The following SYCN variants were observed in gnomAD, a reference collection of about 807,000 sequenced individuals.
SYCN encodes syncollin, also known as insulin synthesis associated 1.
SYCN carries 16 observed loss-of-function variants against 12.6 expected under a neutral mutation model. The observed-to-expected ratio is 1.27, with a 90% confidence interval of 0.86 to 1.92. SYCN has a LOEUF of 1.92. Among genes scored for constraint, SYCN ranks in the 30% most tolerant of loss-of-function variants. SYCN has a pLI of 0.00. For synonymous variants in SYCN, 97 were observed against 88.4 expected, an observed-to-expected ratio of 1.10 and a Z score of -0.55; for missense variants, 226 against 181.8, an observed-to-expected ratio of 1.24 and a Z score of -1.40.
intron 1 of SYCN, 46 bp from the exon 2 acceptor site, chr19:39,203,042 G>C (rs1424055226): frequency 1.3e-6 from 2 of 1,554,104 alleles, no homozygotes; most frequent in Non-Finnish European, 1.7e-6. Flanking sequence ...CAGAGACCCA[G>C]AGTCTGGTGA....
chr19:39,202,897 G>A lies in SYCN; in HGVS notation c.*90C>T. 2 of 1,474,632 alleles carry A rather than the reference G, an allele frequency of 1.4e-6. No homozygotes were observed. The highest frequency in any genetic ancestry group is 1.8e-6 in the Non-Finnish European group (2 of 1,086,224). The allele number at this position is 1,474,632 out of a possible 1,614,324, so 91.3% of individuals were successfully genotyped here. A position where few individuals can be genotyped will look rare whatever the true frequency, so the allele number is the denominator to read the frequency against. ...GGCAGGCAGAACGCTCCTCCTCCTG[G>A]GTCTTGGGGCCCCGGAGCAGAGCCC... is the stretch of plus-strand genomic sequence containing the variant. On this transcript the variant is annotated 3_prime_UTR_variant, in exon 2 of 2. Coordinates refer to ENST00000318438, the MANE Select transcript of SYCN (RefSeq NM_001080468.4).
At chr19:39,203,140 T>G in intron 1 of SYCN, 144 bp from the exon 2 acceptor site, 1 of 824,282 alleles carries the variant, frequency 1.2e-6, no homozygotes, top group Non-Finnish European at 1.9e-6. Flanking sequence ...CCTGGGAGTT[T>G]GGAGCTGGGG....
Position 39,203,208 on chromosome 19 carries a change from C to T in SYCN, c.396-212G>A, listed in dbSNP as rs140851376. Among the ~76,000 whole-genome samples, 1,112 of 151,266 alleles carry T rather than the reference C, an allele frequency of 7.4e-3. 10 individuals carry two copies. Among genetic ancestry groups the T allele is most frequent in the South Asian group, 0.014 (65 of 4,750 alleles). On this transcript the variant is annotated intron_variant, in intron 1 of 1. Transcript: ENST00000318438. ...TGGGGAGGGTTTGGGAGGGTGTCACCGCTGGATCTAGGTCCCAGGTCTGTG... is the reference window on the plus strand; with the variant it reads ...TGGGGAGGGTTTGGGAGGGTGTCACTGCTGGATCTAGGTCCCAGGTCTGTG...
chr19:39,204,006 G>A lies in SYCN; in HGVS notation c.249C>T (p.Ala83=). ...ACCACACGGTGAGCTCGCAGCGCGG[G>A]GCCACCACAAGTGAGGAGGCGGTGT... The part of the protein sequence containing the change: ...WANTASSLVV[A]PRCELTVWSR... Residue 83 remains alanine, a synonymous_variant, in exon 1 of 2, where the codon GCC becomes GCT. Coordinates refer to ENST00000318438, the MANE Select transcript of SYCN (RefSeq NM_001080468.4). The A allele has an allele frequency of 1.2e-6, 2 of 1,610,922 alleles. No homozygotes were observed. Among genetic ancestry groups the A allele is most frequent in the Non-Finnish European group, 1.7e-6 (2 of 1,178,722 alleles).
At chr19:39,203,786 T>G (rs1600436564) in intron 1 of SYCN, 74 bp downstream of exon 1, 1 of 1,468,440 alleles carries the variant, frequency 6.8e-7, no homozygotes, top group South Asian at 1.4e-5. Context: ...GGGGCTTGGG[T>G]GGTGGGTGTG....
intron 1 of SYCN, among the ~76,000 whole-genome samples, 158 bp downstream of exon 1, chr19:39,203,702 G>T (rs983480091): frequency 3.3e-5 from 5 of 151,942 alleles, no homozygotes; most frequent in Non-Finnish European, 7.4e-5. Flanking sequence ...TGAGATGGGG[G>T]CCTCCAGGAC....
rs1405951358 is a variant in SYCN at position 39,203,905 on chromosome 19, C to T, written c.350G>A (p.Gly117Asp). ...AGCGTTGGACCAGTCTCCTAAGATG[C>T]CCCGGCGGTACTCCTCCAGGCGCGG... ...TYPRLEEYRR[G>D]ILGDWSNAIS... The change falls in exon 1 of 2, where the codon GGC becomes GAC. Residue 117 changes from glycine (G) to aspartate (D), a missense_variant. Gly to Asp is a moderately conservative substitution (Grantham distance 94, BLOSUM62 -1). Transcript: ENST00000318438. 1 of 1,611,272 alleles carries T rather than the reference C, an allele frequency of 6.2e-7. No individual in the cohort carries two copies. Among genetic ancestry groups the T allele is most frequent in the Non-Finnish European group, 8.5e-7 (1 of 1,178,732 alleles).
chr19:39,203,741 T>C (rs2074797804), intron 1 of SYCN, 119 bp downstream of exon 1: 1 of 1,229,050 alleles, frequency 8.1e-7, no homozygotes, highest in East Asian at 2.6e-5. Context: ...GTGCTCCCTG[T>C]TACAGTCGGG....
rs374627027 is a variant in SYCN at position 39,204,210 on chromosome 19, G to C, written c.45C>G (p.Ser15=). The change falls in exon 1 of 2, where the codon TCC becomes TCG. Residue 15 remains serine, a synonymous_variant. Transcript: ENST00000318438. ...RPLLLALALA[S]VPCAQGACPA... The stretch of plus-strand genomic sequence containing the variant: ...GGCAGGCGCCCTGGGCGCAAGGCAC[G>C]GAGGCAAGGGCCAGGGCCAGCAGCA... The C allele has an allele frequency of 1.6e-4, 250 of 1,606,628 alleles. 1 individual carries two copies. In the East Asian group the frequency reaches 2.6e-3, roughly 17 times the overall value.
chr19:39,204,074 C>G lies in SYCN; in HGVS notation c.181G>C (p.Glu61Gln), dbSNP rs753359913. 6 of 1,612,840 alleles carry G rather than the reference C, an allele frequency of 3.7e-6. No individual in the cohort carries two copies. In the Admixed American group the frequency reaches 6.7e-5, roughly 18 times the overall value. The change falls in exon 1 of 2, where the codon GAG becomes CAG. Residue 61 changes from glutamate to glutamine, a missense_variant. Glu to Gln is a conservative substitution (Grantham distance 29, BLOSUM62 2). Coordinates refer to ENST00000318438, the MANE Select transcript of SYCN (RefSeq NM_001080468.4). The stretch of plus-strand genomic sequence containing the variant: ...AGGTAGGGCAGGTCTGCGCCCGACT[C>G]CAGCGACAGCTCGGCGCCCCCGCAG... The part of the protein sequence containing the change: ...NCCGGAELSL[E>Q]SGADLPYLPS...
At position 39,203,892 on chromosome 19, in the gene SYCN, G is replaced by C. The variant is rs530408127; in HGVS notation, c.363C>G (p.Asp121Glu). 1.2e-6 allele frequency: 2 copies of C among 1,610,290 alleles called. No individual in the cohort carries two copies. Among genetic ancestry groups the C allele is most frequent in the African/African-American group, 1.3e-5 (1 of 75,002 alleles). ...AGAGCGCGGAGATAGCGTTGGACCA[G>C]TCTCCTAAGATGCCCCGGCGGTACT... ...LEEYRRGILG[D>E]WSNAISALYC... is the part of the protein sequence containing the mutation. Residue 121 changes from aspartate to glutamate, a missense_variant, in exon 1 of 2, where the codon GAC (aspartate) becomes GAG (glutamate). Transcript: ENST00000318438.
At position 39,204,210 on chromosome 19, in the gene SYCN, G is replaced by T. The variant is rs374627027; in HGVS notation, c.45C>A (p.Ser15=). ...GGCAGGCGCCCTGGGCGCAAGGCAC[G>T]GAGGCAAGGGCCAGGGCCAGCAGCA... The part of the protein sequence containing the change: ...RPLLLALALA[S]VPCAQGACPA... Residue 15 remains serine (S), a synonymous_variant, in exon 1 of 2, where the codon TCC becomes TCA. Transcript: ENST00000318438. 2 of 1,606,630 alleles carry T rather than the reference G, an allele frequency of 1.2e-6. No homozygotes were observed. The highest frequency in any genetic ancestry group is 1.1e-5 in the South Asian group (1 of 90,602).
Position 39,202,878 on chromosome 19 carries a change from C to G in SYCN, c.*109G>C. On this transcript the variant is annotated 3_prime_UTR_variant, in exon 2 of 2. Coordinates refer to ENST00000318438, the MANE Select transcript of SYCN (RefSeq NM_001080468.4). ...TGCAGGGGAGGTGGGAGGGGGCAGG[C>G]AGAACGCTCCTCCTCCTGGGTCTTG... The G allele has an allele frequency of 8.3e-7, 1 of 1,206,486 alleles. No individual in the cohort carries two copies. The highest frequency in any genetic ancestry group is 1.2e-6 in the Non-Finnish European group (1 of 849,288). The allele number at this position is 1,206,486 out of a possible 1,614,324, so 74.7% of individuals were successfully genotyped here.
chr19:39,203,193 T>G (rs1408313477), intron 1 of SYCN, among the ~76,000 whole-genome samples, 197 bp from the exon 2 acceptor site: 2 of 150,262 alleles, frequency 1.3e-5, no homozygotes, highest in African/African-American at 2.5e-5. Context: ...TGGGGAGGGT[T>G]TGGGAGGGTG....
At position 39,202,887 on chromosome 19, in the gene SYCN, C is replaced by T; in HGVS notation, c.*100G>A. On this transcript the variant is annotated 3_prime_UTR_variant, in exon 2 of 2. Transcript: ENST00000318438. ...GGTGGGAGGGGGCAGGCAGAACGCT[C>T]CTCCTCCTGGGTCTTGGGGCCCCGG... 7.4e-7 allele frequency: 1 copy of T among 1,357,724 alleles called. No individual in the cohort carries two copies. The highest frequency in any genetic ancestry group is 1.0e-6 in the Non-Finnish European group (1 of 983,116). The allele number at this position is 1,357,724 out of a possible 1,614,324, so 84.1% of individuals were successfully genotyped here.
chr19:39,203,740 G>C, intron 1 of SYCN, 120 bp downstream of exon 1: 1 of 1,226,158 alleles, frequency 8.2e-7, no homozygotes, highest in Non-Finnish European at 1.1e-6. Context: ...GGTGCTCCCT[G>C]TTACAGTCGG....
intron 1 of SYCN, 31 bp from the exon 2 acceptor site, chr19:39,203,027 G>T: frequency 1.3e-6 from 2 of 1,560,828 alleles, no homozygotes; most frequent in South Asian, 1.2e-5. Flanking sequence ...CCTTCCAGGG[G>T]CTCTCAGAGA....
Position 39,203,537 on chromosome 19 carries a change from C to T in SYCN, c.395+323G>A, listed in dbSNP as rs774013120. Among the ~76,000 whole-genome samples the T allele has an allele frequency of 1.1e-4, 17 of 151,652 alleles. 1 individual carries two copies. The highest frequency in any genetic ancestry group is 2.1e-4 in the Non-Finnish European group (14 of 67,934). ...CCTCTCTGGGAAGTACAGCTGTGGG[C>T]GGGTGGGTAGGCGGAAGATTCCAGA... On this transcript the variant is annotated intron_variant, in intron 1 of 1. Coordinates refer to ENST00000318438, the MANE Select transcript of SYCN (RefSeq NM_001080468.4).
chr19:39,203,708 A>G (rs1240546085), intron 1 of SYCN, among the ~76,000 whole-genome samples, 152 bp downstream of exon 1: 1 of 151,790 alleles, frequency 6.6e-6, no homozygotes, highest in Non-Finnish European at 1.5e-5. Context: ...GGGGGCCTCC[A>G]GGACTGGTTC....
Sources: allele counts gnomAD v4.1 joint callset (sites outside exome capture counted in the v4.1 genomes callset), GRCh38; gene constraint gnomAD v4.1.1; transcripts MANE v1.5; gene names NCBI Gene and HGNC (gene_info 2026-07-23, HGNC 2026-07-21).